Variants in PRKACB observed in about 807,000 individuals in gnomAD.
PRKACB encodes the protein cAMP-dependent protein kinase catalytic subunit beta.
Under a neutral mutation model 51.4 loss-of-function variants are expected in PRKACB, and 16 were observed. The observed-to-expected ratio is 0.31, with a 90% CI of 0.21 to 0.47. PRKACB has a LOEUF of 0.47. Among genes scored for constraint, PRKACB ranks in the 20% least tolerant of loss-of-function variants. PRKACB has a pLI of 1.00. For missense variants in PRKACB, 309 were observed against 464.5 expected (o/e 0.67, Z 3.08); for synonymous variants, 147 against 154.4 (o/e 0.95, Z 0.35).
chr1:84,188,111 T>C (rs1665708257), intron 5 of PRKACB, among the ~76,000 whole-genome samples: 1 of 152,116 alleles, frequency 6.6e-6, no homozygotes, highest in South Asian at 2.1e-4. Flanking sequence ...AATGCTTTTA[T>C]CTTTTTTTAC....
intron 1 of PRKACB, among the ~76,000 whole-genome samples, chr1:84,086,684 CT>C (rs1648024735): frequency 3.9e-5 from 6 of 152,176 alleles, no homozygotes; most frequent in Admixed American, 3.9e-4. Context: ...TTTTGTAGGT[CT>C]GTAATAAAGA....
intron 7 of PRKACB, 113 bp from the exon 8 acceptor site, chr1:84,202,570 A>AATTGCTGAGCAGCT: frequency 1.9e-6 from 2 of 1,053,896 alleles, no homozygotes; most frequent in Non-Finnish European, 2.7e-6. Flanking sequence ...GCTGCTCAGC[A>AATTGCTGAGCAGCT]ATTGCTTTAA....
intron 7 of PRKACB, 101 bp from the exon 8 acceptor site, chr1:84,202,582 A>C: frequency 7.6e-7 from 1 of 1,313,896 alleles, no homozygotes. Context: ...TTGCTTTAAA[A>C]AAATTTTTAT....
chr1:84,191,282 A>G (rs957866989), intron 5 of PRKACB, among the ~76,000 whole-genome samples: 10 of 152,166 alleles, frequency 6.6e-5, no homozygotes, highest in African/African-American at 2.4e-4. Context: ...TCACTTGTGC[A>G]GCTTAATTTA....
At chr1:84,124,129 G>C (rs1028084662) in intron 1 of PRKACB, among the ~76,000 whole-genome samples, 2 of 152,138 alleles carry the variant, frequency 1.3e-5, no homozygotes, top group Non-Finnish European at 2.9e-5. Flanking sequence ...AGTGTATACT[G>C]TGTGATCATC....
At chr1:84,176,876 C>T (rs1189946819) in intron 1 of PRKACB, among the ~76,000 whole-genome samples, 3 of 151,838 alleles carry the variant, frequency 2.0e-5, no homozygotes, top group Non-Finnish European at 4.4e-5. Flanking sequence ...CTTGCATATT[C>T]TATTAGTGAA....
At chr1:84,204,831 T>C (rs1461472862) in intron 8 of PRKACB, 1 of 973,714 alleles carries the variant, frequency 1.0e-6, no homozygotes, top group Non-Finnish European at 1.2e-6. Flanking sequence ...AAAACTGCTT[T>C]AGTTAAAATT....
At chr1:84,155,689 T>C (rs1655409857) in intron 1 of PRKACB, among the ~76,000 whole-genome samples, 2 of 152,192 alleles carry the variant, frequency 1.3e-5, no homozygotes, top group Non-Finnish European at 2.9e-5. Context: ...ACAGGAAGAA[T>C]GATATGTGTC....
chr1:84,114,576 C>A (rs1282599653), intron 1 of PRKACB, among the ~76,000 whole-genome samples: 1 of 151,984 alleles, frequency 6.6e-6, no homozygotes, highest in Non-Finnish European at 1.5e-5. Flanking sequence ...GTACAATATA[C>A]TTTTGCTTAC....
intron 1 of PRKACB, among the ~76,000 whole-genome samples, chr1:84,152,126 C>A (rs1188969491): frequency 6.6e-6 from 1 of 152,168 alleles, no homozygotes; most frequent in Non-Finnish European, 1.5e-5. Context: ...CCTTGTACAT[C>A]GAGCTCTTGG....
rs756857310 is a variant in PRKACB at position 84,197,822 on chromosome 1, A to G, written c.781A>G (p.Lys261Glu). Residue 261 changes from lysine to glutamate, a missense_variant and splice_region_variant, in exon 7 of 10, where the codon AAG becomes GAG. Lys to Glu is a moderately conservative substitution (Grantham distance 56, BLOSUM62 1). Coordinates refer to ENST00000370685, the MANE Select transcript of PRKACB (RefSeq NM_182948.4). ...TTTGGCTCCAGAAATAATTCTCAGC[A>G]AGGTATATTCATAATATCAACACAT... is the stretch of plus-strand genomic sequence containing the variant. The part of the protein sequence containing the change: ...EYLAPEIILS[K>E]GYNKAVDWWA... 1.3e-6 allele frequency: 2 copies of G among 1,593,460 alleles called. No individual in the cohort carries two copies. The highest frequency in any genetic ancestry group is 8.6e-7 in the Non-Finnish European group (1 of 1,162,192).
At chr1:84,222,556 T>A (rs1001214914) in intron 9 of PRKACB, among the ~76,000 whole-genome samples, 17 of 152,168 alleles carry the variant, frequency 1.1e-4, no homozygotes, top group African/African-American at 4.1e-4. Flanking sequence ...ATGGTAATAT[T>A]TGAGTCCTTT....
At chr1:84,164,819 A>T in intron 1 of PRKACB, 1 of 1,381,530 alleles carries the variant, frequency 7.2e-7, no homozygotes, top group Non-Finnish European at 9.4e-7. Context: ...CATGCTAGGC[A>T]GTTATGCTTT....
At chr1:84,118,138 A>G (rs940757945) in intron 1 of PRKACB, among the ~76,000 whole-genome samples, 4 of 152,156 alleles carry the variant, frequency 2.6e-5, no homozygotes, top group Non-Finnish European at 4.4e-5. Context: ...AGAGATGTGA[A>G]CTGCTAAAGT....
intron 1 of PRKACB, among the ~76,000 whole-genome samples, chr1:84,119,708 GA>G (rs1228924662): frequency 6.6e-6 from 1 of 152,108 alleles, no homozygotes; most frequent in Non-Finnish European, 1.5e-5. Context: ...GGAAAGGCAA[GA>G]AGGAAATTGA....
At chr1:84,181,626 A>G in intron 2 of PRKACB, 2 of 1,329,204 alleles carry the variant, frequency 1.5e-6, no homozygotes, top group East Asian at 2.7e-5. Flanking sequence ...CTGTGTTTTT[A>G]TAATATAAAG....
chr1:84,167,448 A>G (rs549185824), intron 1 of PRKACB, among the ~76,000 whole-genome samples: 3 of 151,550 alleles, frequency 2.0e-5, no homozygotes, highest in Non-Finnish European at 4.4e-5. Flanking sequence ...TTATCATAAA[A>G]ATTTAGAGAA....
chr1:84,173,635 A>C (rs1558104123), intron 1 of PRKACB, among the ~76,000 whole-genome samples: 1 of 151,788 alleles, frequency 6.6e-6, no homozygotes. Context: ...GCTGTTATTT[A>C]ATGATAGAAC....
chr1:84,178,538 TG>T (rs1662119277), intron 1 of PRKACB, among the ~76,000 whole-genome samples: 3 of 152,046 alleles, frequency 2.0e-5, no homozygotes, highest in Admixed American at 2.0e-4. Flanking sequence ...CATTTTAAAT[TG>T]GGTATTCAGA....
Sources: gnomAD v4.1 joint callset for allele counts (sites outside exome capture counted in the v4.1 genomes callset) on GRCh38, gnomAD v4.1.1 for gene constraint, MANE v1.5 for transcripts, NCBI Gene and HGNC (gene_info 2026-07-23, HGNC 2026-07-21) for gene names.